The following JAKMIP1 variants were observed in gnomAD, a reference collection of about 807,000 sequenced individuals.
JAKMIP1 encodes janus kinase and microtubule interacting protein 1, also known as janus kinase and microtubule-interacting protein 1.
Under a neutral mutation model 113.0 loss-of-function variants are expected in JAKMIP1, and 33 were observed. The ratio of observed to expected loss-of-function variants is 0.29; its 90% confidence interval spans 0.22 to 0.39. JAKMIP1 has a LOEUF of 0.39. JAKMIP1 is among the 10% of genes least tolerant of loss of function. JAKMIP1 has a pLI of 1.00. For missense variants in JAKMIP1, 813 were observed against 1,080.5 expected (o/e 0.75, Z 3.47); for synonymous variants, 480 against 459.9 (o/e 1.04, Z -0.56).
At chr4:6,149,124 C>T (rs1488360928) in intron 1 of JAKMIP1, among the ~76,000 whole-genome samples, 1 of 152,204 alleles carries the variant, frequency 6.6e-6, no homozygotes, top group Non-Finnish European at 1.5e-5. Context: ...AGAAGGGCCA[C>T]TGGGGCTGGA....
rs1214796450 is a variant in JAKMIP1, at chr4:6,180,394, T to C, written c.-148+19859A>G. ...TCTTCTTTCTTATTGAGATTTTCAC[T>C]ATAAAATCTTATCAGCTGCTGAACA... is the stretch of plus-strand genomic sequence containing the variant. On this transcript the variant is annotated intron_variant, in intron 1 of 20. Transcript: ENST00000409021. This position sits in a 1 kb window ranked among gnomAD's most constrained non-coding sequence, Gnocchi z 4.5. 6.6e-6 allele frequency among the ~76,000 whole-genome samples: 1 copy of C among 152,230 alleles called. No homozygotes were observed. Among genetic ancestry groups the C allele is most frequent in the African/African-American group, 2.4e-5 (1 of 41,462 alleles).
intron 1 of JAKMIP1, among the ~76,000 whole-genome samples, chr4:6,133,943 T>A (rs1560247470): frequency 6.6e-6 from 1 of 152,194 alleles, no homozygotes; most frequent in Non-Finnish European, 1.5e-5. Context: ...GATCCCTGAA[T>A]CACCCACTGG....
chr4:6,110,834 C>T (rs902627624), intron 2 of JAKMIP1, among the ~76,000 whole-genome samples: 6 of 151,072 alleles, frequency 4.0e-5, no homozygotes, highest in Non-Finnish European at 8.8e-5. Flanking sequence ...GCAGCTTTCC[C>T]TGTCACCACA....
rs71173403 is a variant in JAKMIP1, at chr4:6,080,984, T to TACACACACAC, written c.1101+615_1101+624dup. On this transcript the variant is annotated intron_variant, in intron 6 of 20. Transcript: ENST00000409021. The surrounding 1 kb of genome is among the most constrained non-coding windows in gnomAD (Gnocchi z 6.0). Reference sequence around the variant, plus strand: ...GGAGAGGACTTCACACAACAGCAATTACACACACACACACACACACACACA... The same window carrying TACACACACAC: ...GGAGAGGACTTCACACAACAGCAATTACACACACACACACACACACACACACACACACACA... 0.018 allele frequency among the ~76,000 whole-genome samples: 2,595 copies of TACACACACAC among 140,980 alleles called. 41 individuals carry two copies. Among genetic ancestry groups the TACACACACAC allele is most frequent in the Middle Eastern group, 0.057 (16 of 282 alleles). 92.5% of individuals were successfully genotyped at this position (140,980 alleles called of 152,430 possible). A position where few individuals can be genotyped will look rare whatever the true frequency, so the allele number is the denominator to read the frequency against.
rs1469399828 is a variant in JAKMIP1, at chr4:6,080,603, AG to A, written c.1102-292del. ...TGAATAAGTCTCTGATGTTTTTATA[AG>A]GGTTTTCCCCTTTTACTTGGCTCTC... On this transcript the variant is annotated intron_variant, in intron 6 of 20. Transcript: ENST00000409021. The surrounding 1 kb of genome is among the most constrained non-coding windows in gnomAD (Gnocchi z 6.0). 1.3e-5 allele frequency among the ~76,000 whole-genome samples: 2 copies of A among 152,090 alleles called. No individual in the cohort carries two copies. The highest frequency in any genetic ancestry group is 4.8e-5 in the African/African-American group (2 of 41,406).
rs1689108844 is a variant in JAKMIP1 at position 6,192,540 on chromosome 4, T to G, written c.-148+7713A>C. ...CCAACCCCAAGAGATAGGGACATTCTCTTTATTTCACAAAAGAAGGAAGTG... is the reference window on the plus strand; with the variant it reads ...CCAACCCCAAGAGATAGGGACATTCGCTTTATTTCACAAAAGAAGGAAGTG... On this transcript the variant is annotated intron_variant, in intron 1 of 20. Coordinates refer to ENST00000409021, the MANE Select transcript of JAKMIP1 (RefSeq NM_001099433.2). This position sits in a 1 kb window ranked among gnomAD's most constrained non-coding sequence, Gnocchi z 5.0. Among the ~76,000 whole-genome samples, 1 of 152,188 alleles carries G rather than the reference T, an allele frequency of 6.6e-6. No individual in the cohort carries two copies. Among genetic ancestry groups the G allele is most frequent in the Non-Finnish European group, 1.5e-5 (1 of 68,034 alleles).
intron 3 of JAKMIP1, among the ~76,000 whole-genome samples, chr4:6,100,039 C>A (rs982067896): frequency 3.3e-5 from 5 of 152,154 alleles, no homozygotes; most frequent in African/African-American, 7.2e-5. Context: ...CTTTTAAATG[C>A]AAATACAAGA....
Position 6,105,839 on chromosome 4 carries a change from C to G in JAKMIP1, c.258G>C (p.Ala86=). 1 of 1,611,542 alleles carries G rather than the reference C, an allele frequency of 6.2e-7. No individual in the cohort carries two copies. The highest frequency in any genetic ancestry group is 8.5e-7 in the Non-Finnish European group (1 of 1,179,852). The part of the protein sequence containing the change: ...LHEEKTKELQ[A]LREGLIRQHE... ...GCTGCCGGATGAGCCCCTCGCGCAG[C>G]GCCTGCAGCTCCTTGGTCTTCTCCT... is the stretch of plus-strand genomic sequence containing the variant. The change falls in exon 3 of 21, where the codon GCG becomes GCC. Residue 86 remains alanine (A), a synonymous_variant. Transcript: ENST00000409021.
At chr4:6,171,910 C>A (rs1056971130) in intron 1 of JAKMIP1, among the ~76,000 whole-genome samples, 4 of 152,236 alleles carry the variant, frequency 2.6e-5, no homozygotes, top group African/African-American at 7.2e-5. Flanking sequence ...TGTGTATATT[C>A]TTGCAAAGCC....
At chr4:6,189,833 A>G (rs1380552704) in intron 1 of JAKMIP1, among the ~76,000 whole-genome samples, 1 of 152,236 alleles carries the variant, frequency 6.6e-6, no homozygotes, top group Non-Finnish European at 1.5e-5. Context: ...GGAGGCGAAC[A>G]GGCAGATCTA....
rs932731993 is a variant in JAKMIP1 at position 6,139,515 on chromosome 4, C to A, written c.-147-26518G>T. Among the ~76,000 whole-genome samples, 1 of 152,084 alleles carries A rather than the reference C, an allele frequency of 6.6e-6. No individual in the cohort carries two copies. Among genetic ancestry groups the A allele is most frequent in the Non-Finnish European group, 1.5e-5 (1 of 68,040 alleles). ...GGTCGTGGTGGCTCACGCCTGTAAC[C>A]CCAGCACTTTGGGAGGCTGAGGCAG... On this transcript the variant is annotated intron_variant, in intron 1 of 20. Coordinates refer to ENST00000409021, the MANE Select transcript of JAKMIP1 (RefSeq NM_001099433.2). The surrounding 1 kb of genome is among the most constrained non-coding windows in gnomAD (Gnocchi z 5.2).
chr4:6,073,803 C>G (rs887000032), intron 8 of JAKMIP1, among the ~76,000 whole-genome samples: 3 of 152,208 alleles, frequency 2.0e-5, no homozygotes, highest in African/African-American at 7.2e-5. Flanking sequence ...CTACAATTTC[C>G]CAACCTTATC....
At chr4:6,098,735 AG>A (rs1560181628) in intron 3 of JAKMIP1, among the ~76,000 whole-genome samples, 2,088 of 36,530 alleles carry the variant, frequency 0.057, 50 homozygotes, top group African/African-American at 0.07. Flanking sequence ...AGAAAGAAAG[AG>A]AAGGAAGGAA....
chr4:6,190,420 A>G (rs1463833114), intron 1 of JAKMIP1, among the ~76,000 whole-genome samples: 1 of 151,856 alleles, frequency 6.6e-6, no homozygotes, highest in African/African-American at 2.4e-5. Flanking sequence ...TTTCCTCTCT[A>G]GACTTGCTCA....
chr4:6,052,962 T>C (rs1416785319), intron 13 of JAKMIP1, among the ~76,000 whole-genome samples: 1 of 152,190 alleles, frequency 6.6e-6, no homozygotes, highest in Non-Finnish European at 1.5e-5. Flanking sequence ...CGGTCAGTTC[T>C]AATGCAGACA....
intron 1 of JAKMIP1, among the ~76,000 whole-genome samples, chr4:6,165,840 C>A (rs368468743): frequency 3.9e-5 from 6 of 152,280 alleles, no homozygotes; most frequent in East Asian, 3.9e-4. Context: ...GATTTGTATT[C>A]TCTCGCAGTT....
chr4:6,114,596 G>A (rs573553267), intron 1 of JAKMIP1, among the ~76,000 whole-genome samples: 13 of 152,352 alleles, frequency 8.5e-5, no homozygotes, highest in Admixed American at 7.8e-4. Flanking sequence ...AGGCAGTGAT[G>A]GAGGTCAGCT....
chr4:6,176,093 G>A lies in JAKMIP1; in HGVS notation c.-148+24160C>T, dbSNP rs1435457078. On this transcript the variant is annotated intron_variant, in intron 1 of 20. Coordinates refer to ENST00000409021, the MANE Select transcript of JAKMIP1 (RefSeq NM_001099433.2). The surrounding 1 kb of genome is among the most constrained non-coding windows in gnomAD (Gnocchi z 5.5). ...TTAAAGATACAGAGATGAACATGGTGTAATGCTCCCCTGGAGTAGTCAGAG... is the reference window on the plus strand; with the variant it reads ...TTAAAGATACAGAGATGAACATGGTATAATGCTCCCCTGGAGTAGTCAGAG... Among the ~76,000 whole-genome samples, 7 of 152,230 alleles carry A rather than the reference G, an allele frequency of 4.6e-5. No individual in the cohort carries two copies. The highest frequency in any genetic ancestry group is 3.8e-4 in the East Asian group (2 of 5,198).
intron 8 of JAKMIP1, among the ~76,000 whole-genome samples, chr4:6,073,808 C>T (rs1223429329): frequency 6.6e-6 from 1 of 152,240 alleles, no homozygotes; most frequent in Non-Finnish European, 1.5e-5. Flanking sequence ...ATTTCCCAAC[C>T]TTATCCAAAA....
Sources: allele counts gnomAD v4.1 joint callset (sites outside exome capture counted in the v4.1 genomes callset), GRCh38; gene constraint gnomAD v4.1.1; non-coding constraint Gnocchi (gnomAD v3.1); transcripts MANE v1.5; gene names NCBI Gene and HGNC (gene_info 2026-07-23, HGNC 2026-07-21).